Variants in AHCY observed in about 807,000 individuals in gnomAD.
The protein encoded by AHCY is S-adenosyl-L-homocysteine hydrolase.
AHCY carries 24 observed loss-of-function variants against 45.4 expected under a neutral mutation model. That is an observed-to-expected ratio of 0.53 (90% CI 0.38 to 0.74). The LOEUF (loss-of-function observed/expected upper bound fraction) is 0.74. Ranked by LOEUF, AHCY falls within the 30% of genes least tolerant of loss-of-function variation. The pLI is 0.00. For missense variants in AHCY, 449 were observed against 594.1 expected (o/e 0.76, Z 2.54); for synonymous variants, 245 against 235.1 (o/e 1.04, Z -0.39).
At chr20:34,261,635 AAAAC>A in the AHCY span, among the ~76,000 whole-genome samples, 9 of 151,852 alleles carry the variant, frequency 5.9e-5, no homozygotes, top group Non-Finnish European at 5.9e-5. Flanking sequence ...TCCTGTCTCA[AAAAC>A]AAACAAACAA....
Position 34,284,979 on chromosome 20 carries a change from G to C in AHCY, c.1167+461C>G, listed in dbSNP as rs537339930. Among the ~76,000 whole-genome samples the C allele has an allele frequency of 2.8e-4, 42 of 152,182 alleles. 1 individual carries two copies. Among genetic ancestry groups the C allele is most frequent in the Admixed American group, 5.2e-4 (8 of 15,276 alleles). On this transcript the variant is annotated intron_variant, in intron 9 of 9. Coordinates refer to ENST00000217426, the MANE Select transcript of AHCY (RefSeq NM_000687.4). The stretch of plus-strand genomic sequence containing the variant: ...TGGCAACCAGCCCTTTACCCCTTCA[G>C]CTCTTCCAGTCCTTGTTCAGCTGGC...
At chr20:34,255,031 G>T in the AHCY span, among the ~76,000 whole-genome samples, 1 of 152,088 alleles carries the variant, frequency 6.6e-6, no homozygotes, top group Non-Finnish European at 1.5e-5. Flanking sequence ...GATTTGACCT[G>T]GTGAGATCTC....
At chr20:34,260,475 G>A in the AHCY span, 5 of 1,614,088 alleles carry the variant, frequency 3.1e-6, no homozygotes, top group Non-Finnish European at 4.2e-6. Context: ...CGAGATGACA[G>A]GAGCCTGAGA....
At chr20:34,296,068 T>C (rs2036569406) in intron 1 of AHCY, among the ~76,000 whole-genome samples, 1 of 152,196 alleles carries the variant, frequency 6.6e-6, no homozygotes, top group Admixed American at 6.5e-5. Flanking sequence ...TCCTTTTAGA[T>C]GTAAAAATGC....
At chr20:34,307,422 G>A (rs192408858), upstream of AHCY, among the ~76,000 whole-genome samples, 1 of 151,982 alleles carries the variant, frequency 6.6e-6, no homozygotes, top group Non-Finnish European at 1.5e-5. Flanking sequence ...GCCCAGGCTG[G>A]AATGCAATGG....
At chr20:34,278,223 T>C (rs1305079762), downstream of AHCY, among the ~76,000 whole-genome samples, 1 of 152,144 alleles carries the variant, frequency 6.6e-6, no homozygotes, top group Non-Finnish European at 1.5e-5. Flanking sequence ...CTGTGTTTTC[T>C]GAAACAAAAG....
chr20:34,290,912 G>A lies in AHCY; in HGVS notation c.585C>T (p.Cys195=). ...TKSKFDNLYG[C]RESLIDGIKR... is the part of the protein sequence containing the mutation. ...TGATGCCATCTATGAGGGACTCCCG[G>A]CAGCCATAGAGGTTGTCAAACTTGC... Residue 195 remains cysteine (C), a synonymous_variant, in exon 6 of 10, where the codon TGC becomes TGT. Transcript: ENST00000217426. The surrounding 1 kb of genome is among the most constrained non-coding windows in gnomAD (Gnocchi z 4.5). 1 of 1,614,148 alleles carries A rather than the reference G, an allele frequency of 6.2e-7. No individual in the cohort carries two copies.
At chr20:34,299,706 C>T (rs1601682053) in intron 1 of AHCY, among the ~76,000 whole-genome samples, 1 of 152,310 alleles carries the variant, frequency 6.6e-6, no homozygotes, top group East Asian at 1.9e-4. Flanking sequence ...TCCTTTGCCC[C>T]CACTACCGGT....
upstream of AHCY, among the ~76,000 whole-genome samples, chr20:34,303,923 C>A (rs1341122131): frequency 6.6e-6 from 1 of 152,138 alleles, no homozygotes; most frequent in East Asian, 1.9e-4. Flanking sequence ...TCTTTTGAGC[C>A]TGGAGATCGA....
At chr20:34,275,677 T>C (rs2035904734), downstream of AHCY, among the ~76,000 whole-genome samples, 1 of 143,204 alleles carries the variant, frequency 7.0e-6, no homozygotes, top group African/African-American at 2.9e-5. Context: ...TGGCTTTATA[T>C]CTTTCTTTTT....
chr20:34,269,715 C>G, the AHCY span, among the ~76,000 whole-genome samples: 6 of 151,904 alleles, frequency 3.9e-5, no homozygotes, highest in African/African-American at 1.2e-4. Flanking sequence ...GAGGCCGAGG[C>G]GGGCGGATCT....
chr20:34,290,799 CGCAGGGCCTGG>C lies in AHCY; in HGVS notation c.687_697del (p.Gln230GlyfsTer12). 1 of 1,614,154 alleles carries C rather than the reference CGCAGGGCCTGG, an allele frequency of 6.2e-7. No individual in the cohort carries two copies. Among genetic ancestry groups the C allele is most frequent in the African/African-American group, 1.3e-5 (1 of 75,022 alleles). ...GATGATGACGCGGGCTCCGAAACCC[CGCAGGGCCTGG>C]GCACAGCCCTTGCCCACATCACCAT... is the stretch of plus-strand genomic sequence containing the variant. On this transcript the variant is annotated frameshift_variant, in exon 6 of 10. Transcript: ENST00000217426. LOFTEE classifies it high-confidence loss of function. The surrounding 1 kb of genome is among the most constrained non-coding windows in gnomAD (Gnocchi z 4.5).
At chr20:34,283,397 C>T (rs754019430) in intron 9 of AHCY, among the ~76,000 whole-genome samples, 25 of 152,146 alleles carry the variant, frequency 1.6e-4, no homozygotes, top group African/African-American at 4.6e-4. Context: ...CAGAGTCATT[C>T]GTGCAGTAGG....
chr20:34,245,223 A>G, the AHCY span, among the ~76,000 whole-genome samples: 1 of 150,122 alleles, frequency 6.7e-6, no homozygotes, highest in East Asian at 2.0e-4. Context: ...AATCCCAGCT[A>G]CTCAGGAGAC....
At chr20:34,298,605 CGGGAGGGGG>C (rs1212921855) in intron 1 of AHCY, among the ~76,000 whole-genome samples, 1 of 31,266 alleles carries the variant, frequency 3.2e-5, no homozygotes, top group Non-Finnish European at 6.7e-5. Context: ...GTGGCGGCGG[CGGGAGGGGG>C]GGGGGTGTCT....
upstream of AHCY, among the ~76,000 whole-genome samples, chr20:34,307,143 G>C (rs1568820659): frequency 6.7e-6 from 1 of 148,250 alleles, no homozygotes; most frequent in South Asian, 2.1e-4. Context: ...TTTGAGACAG[G>C]GTCTGCTATC....
Position 34,295,503 on chromosome 20 carries a change from C to T in AHCY, c.111G>A (p.Glu37=). 1.2e-6 allele frequency: 2 copies of T among 1,614,058 alleles called. No individual in the cohort carries two copies. The highest frequency in any genetic ancestry group is 1.7e-5 in the Admixed American group (1 of 60,022). The change falls in exon 2 of 10, where the codon GAG becomes GAA. Residue 37 remains glutamate (E), a synonymous_variant. Coordinates refer to ENST00000217426, the MANE Select transcript of AHCY (RefSeq NM_000687.4). ...TCAGTGGCTTGGAGGCCGAGTACCG[C>T]TCCCGCATACGCATCAGGCCCGGCA... ...NEMPGLMRMR[E]RYSASKPLKG...
the AHCY span, among the ~76,000 whole-genome samples, chr20:34,242,314 C>A: frequency 2.6e-5 from 4 of 152,084 alleles, no homozygotes; most frequent in Non-Finnish European, 5.9e-5. Context: ...CTCACTGCAA[C>A]CTCTGCCTCC....
upstream of AHCY, among the ~76,000 whole-genome samples, chr20:34,303,767 G>T (rs1278554545): frequency 6.6e-6 from 1 of 152,234 alleles, no homozygotes; most frequent in African/African-American, 2.4e-5. Context: ...GCCAAGGCGG[G>T]AGGATCGCTT....
Sources: allele counts gnomAD v4.1 joint callset (sites outside exome capture counted in the v4.1 genomes callset), GRCh38; gene constraint gnomAD v4.1.1; non-coding constraint Gnocchi (gnomAD v3.1); transcripts MANE v1.5; gene names NCBI Gene and HGNC (gene_info 2026-07-23, HGNC 2026-07-21).